The following CCDC180 variants were observed in gnomAD, a reference collection of about 807,000 sequenced individuals.
CCDC180 encodes the protein coiled-coil domain-containing protein 180.
In CCDC180, 154 loss-of-function variants were observed where a neutral mutation model predicts 209.2. The observed-to-expected ratio is 0.74, with a 90% CI of 0.65 to 0.84. The LOEUF (loss-of-function observed/expected upper bound fraction) is 0.84, where lower values mean the gene tolerates loss of function less well. CCDC180 is among the 40% of genes least tolerant of loss of function. The probability of loss-of-function intolerance (pLI) is 0.00; values close to 1 mark genes in which losing one functional copy is unlikely to be tolerated. For missense variants in CCDC180, 1,874 were observed against 1,997.3 expected (o/e 0.94, Z 1.18); for synonymous variants, 778 against 749.1 (o/e 1.04, Z -0.63).
rs375265202 is a variant in CCDC180 at position 97,369,970 on chromosome 9, G to T, written c.4238G>T (p.Cys1413Phe). The T allele has an allele frequency of 6.2e-7, 1 of 1,614,102 alleles. No individual in the cohort carries two copies. Among genetic ancestry groups the T allele is most frequent in the African/African-American group, 1.3e-5 (1 of 74,938 alleles). Residue 1413 changes from cysteine to phenylalanine, a missense_variant, in exon 32 of 37, where the codon TGT (cysteine) becomes TTT (phenylalanine). Physicochemically the swap from Cys to Phe is radical, Grantham distance 205. Transcript: ENST00000529487. ...TTTGAGGAGCTGCTGCCCCAAGTGT[G>T]TTGGCTGGTGATGGAGAATTTCAAG... The part of the protein sequence containing the change: ...RRFEELLPQV[C>F]WLVMENFKEH...
At chr9:97,318,339 T>TG (rs1465176245) in intron 9 of CCDC180, 124 bp from the exon 10 acceptor site, 13 of 1,096,850 alleles carry the variant, frequency 1.2e-5, no homozygotes, top group Non-Finnish European at 1.6e-5. Flanking sequence ...AGGAAGGGGC[T>TG]GGGGGTGGTG....
chr9:97,343,805 G>T (rs1036010863), intron 19 of CCDC180, among the ~76,000 whole-genome samples: 2 of 152,194 alleles, frequency 1.3e-5, no homozygotes, highest in Non-Finnish European at 2.9e-5. Flanking sequence ...CTCTCTGCTG[G>T]CTTGGGCCTT....
intron 18 of CCDC180, among the ~76,000 whole-genome samples, chr9:97,336,734 ATC>A (rs1395478427): frequency 3.3e-5 from 5 of 152,180 alleles, no homozygotes; most frequent in Non-Finnish European, 5.9e-5. Context: ...ATGGCATTGA[ATC>A]TATAAATTAA....
chr9:97,371,183 C>G (rs1827092009), intron 33 of CCDC180: 7 of 165,484 alleles, frequency 4.2e-5, no homozygotes, highest in East Asian at 1.7e-4. Flanking sequence ...CCAGGATGGT[C>G]TCGATCTCCT....
In CCDC180 at chr9:97,365,852, C is replaced by T. The variant is rs1826906239; in HGVS notation, c.4047+113C>T. 4 of 878,516 alleles carry T rather than the reference C, an allele frequency of 4.6e-6. No individual in the cohort carries two copies. In the East Asian group the frequency reaches 7.8e-5, roughly 17 times the overall value. 54.4% of individuals were successfully genotyped at this position (878,516 alleles called of 1,614,324 possible). On this transcript the variant is annotated intron_variant, in intron 30 of 36. Coordinates refer to ENST00000529487, the MANE Select transcript of CCDC180 (RefSeq NM_020893.6). ...TGAGGAAGAGAGGATTCCACCCCCG[C>T]CATGACCACAGCTCCCCAGCTTCTG... is the stretch of plus-strand genomic sequence containing the variant.
intron 25 of CCDC180, among the ~76,000 whole-genome samples, chr9:97,359,008 T>A (rs1587827296): frequency 6.6e-6 from 1 of 152,214 alleles, no homozygotes; most frequent in East Asian, 1.9e-4. Flanking sequence ...CTCTCACTAT[T>A]CTCATTTTGC....
Position 97,318,571 on chromosome 9 carries a change from C to G in CCDC180, c.1068C>G (p.Leu356=). The stretch of plus-strand genomic sequence containing the variant: ...TGCAGCAAAGGCGGCTGAAGCATCT[C>G]TGCACCATCTGGTATGGGCAGGAGG... The part of the protein sequence containing the change: ...NVLQQRRLKH[L]CTICDLLPPS... Residue 356 remains leucine (L), a synonymous_variant, in exon 10 of 37, where the codon CTC becomes CTG. Coordinates refer to ENST00000529487, the MANE Select transcript of CCDC180 (RefSeq NM_020893.6). 2 of 1,612,890 alleles carry G rather than the reference C, an allele frequency of 1.2e-6. No homozygotes were observed. The highest frequency in any genetic ancestry group is 2.7e-5 in the African/African-American group (2 of 75,046).
intron 16 of CCDC180, among the ~76,000 whole-genome samples, chr9:97,328,386 A>G (rs1833605124): frequency 6.6e-6 from 1 of 152,168 alleles, no homozygotes; most frequent in Non-Finnish European, 1.5e-5. Flanking sequence ...GAAAAGGTTA[A>G]TTTATATGGT....
intron 25 of CCDC180, among the ~76,000 whole-genome samples, chr9:97,359,107 A>G (rs1250877661): frequency 6.6e-6 from 1 of 152,228 alleles, no homozygotes; most frequent in Non-Finnish European, 1.5e-5. Context: ...GCAGTTGTGC[A>G]GAGGAAGGGT....
In CCDC180 at chr9:97,318,530, A is replaced by T. The variant is rs752796335; in HGVS notation, c.1027A>T (p.Lys343Ter). The change falls in exon 10 of 37, where the codon AAG becomes TAG. Residue 343 changes from lysine to a stop codon, truncating the protein, a stop_gained. Transcript: ENST00000529487. LOFTEE classifies it high-confidence loss of function. The stretch of plus-strand genomic sequence containing the variant: ...GACGAAGGAGCTAGAGGTCATGCTG[A>T]AGACCCAGAACGTCCTGCAGCAAAG... ...AVTKELEVML[K>*]TQNVLQQRRL... The T allele has an allele frequency of 6.2e-7, 1 of 1,613,740 alleles. No individual in the cohort carries two copies. The highest frequency in any genetic ancestry group is 8.5e-7 in the Non-Finnish European group (1 of 1,179,958).
chr9:97,311,926 G>T (rs1036218950), intron 3 of CCDC180, among the ~76,000 whole-genome samples, 187 bp from the exon 4 acceptor site: 3 of 152,108 alleles, frequency 2.0e-5, no homozygotes, highest in Non-Finnish European at 4.4e-5. Context: ...TGTTGGCAGG[G>T]AACCCCAGGC....
chr9:97,370,748 C>T lies in CCDC180; in HGVS notation c.4458C>T (p.Ser1486=). Residue 1486 remains serine, a synonymous_variant, in exon 33 of 37, where the codon AGC becomes AGT. Coordinates refer to ENST00000529487, the MANE Select transcript of CCDC180 (RefSeq NM_020893.6). ...SEEERQEELD[S]MIRMNKEKLE... ...AGGAAAGGCAGGAAGAGCTGGACAGCATGATTAGGATGAACAAGGAGAAGC... is the reference window on the plus strand; with the variant it reads ...AGGAAAGGCAGGAAGAGCTGGACAGTATGATTAGGATGAACAAGGAGAAGC... 17 of 1,614,050 alleles carry T rather than the reference C, an allele frequency of 1.1e-5. No individual in the cohort carries two copies. Among genetic ancestry groups the T allele is most frequent in the Non-Finnish European group, 1.4e-5 (17 of 1,180,000 alleles).
At chr9:97,352,962 C>T (rs2169457) in intron 22 of CCDC180, among the ~76,000 whole-genome samples, 40,735 of 106,822 alleles carry the variant, frequency 0.38, 6,403 homozygotes, top group African/African-American at 0.57. Flanking sequence ...TATATATATA[C>T]ACACACACAT....
chr9:97,332,994 C>T (rs138447677), intron 18 of CCDC180, among the ~76,000 whole-genome samples: 33 of 152,210 alleles, frequency 2.2e-4, no homozygotes, highest in African/African-American at 7.9e-4. Flanking sequence ...AGTATGTTGG[C>T]TCTGGGTTTG....
At chr9:97,337,525 G>C (rs574196348) in intron 18 of CCDC180, among the ~76,000 whole-genome samples, 2 of 152,266 alleles carry the variant, frequency 1.3e-5, no homozygotes, top group South Asian at 4.2e-4. Flanking sequence ...ACTTGATCTT[G>C]GTGGATAAGC....
At position 97,311,707 on chromosome 9, in the gene CCDC180, G is replaced by A. The variant is rs148807247; in HGVS notation, c.261-406G>A. Among the ~76,000 whole-genome samples, 358 of 152,290 alleles carry A rather than the reference G, an allele frequency of 2.4e-3. 3 individuals are homozygous for A. Among genetic ancestry groups the A allele is most frequent in the African/African-American group, 8.0e-3 (334 of 41,564 alleles). On this transcript the variant is annotated intron_variant, in intron 3 of 36. Coordinates refer to ENST00000529487, the MANE Select transcript of CCDC180 (RefSeq NM_020893.6). ...TGGAAAATGAGGTTACCTCAAGTAC[G>A]TCATAGGATGGGCTGCTGAAGGAGC...
At position 97,349,164 on chromosome 9, in the gene CCDC180, G is replaced by A. The variant is rs1054579051; in HGVS notation, c.2728G>A (p.Glu910Lys). 6.5e-6 allele frequency: 10 copies of A among 1,536,232 alleles called. No homozygotes were observed. Among genetic ancestry groups the A allele is most frequent in the Admixed American group, 3.9e-5 (2 of 50,990 alleles). Residue 910 changes from glutamate to lysine, a missense_variant, in exon 21 of 37, where the codon GAG (glutamate) becomes AAG (lysine). By Grantham distance (56) the Glu-to-Lys change is moderately conservative. Transcript: ENST00000529487. The stretch of plus-strand genomic sequence containing the variant: ...GGACAGCCACTGTGCTGGGGTGACC[G>A]AGACGCTGAAGAAGAAGCGGCTGAT... The part of the protein sequence containing the change: ...QLDSHCAGVT[E>K]TLKKKRLMFC...
chr9:97,373,099 GAGAGAC>G (rs1435384415), intron 34 of CCDC180: 10 of 152,316 alleles, frequency 6.6e-5, no homozygotes, highest in African/African-American at 2.2e-4. Flanking sequence ...GAATCTGTGT[GAGAGAC>G]AGAGACAGAG....
chr9:97,340,240 G>A (rs918255097), intron 18 of CCDC180, among the ~76,000 whole-genome samples: 5 of 152,064 alleles, frequency 3.3e-5, no homozygotes, highest in African/African-American at 1.2e-4. Flanking sequence ...GAGAAGGGGC[G>A]CTCGGGTTTT....
Sources: allele counts gnomAD v4.1 joint callset (sites outside exome capture counted in the v4.1 genomes callset), GRCh38; gene constraint gnomAD v4.1.1; transcripts MANE v1.5; gene names NCBI Gene and HGNC (gene_info 2026-07-23, HGNC 2026-07-21).